The following SEMA6D variants were observed in gnomAD, a reference collection of about 807,000 sequenced individuals.
SEMA6D encodes semaphorin 6D, also known as semaphorin-6D.
SEMA6D carries 35 observed loss-of-function variants against 106.6 expected under a neutral mutation model. The ratio of observed to expected loss-of-function variants is 0.33; its 90% CI spans 0.25 to 0.44. SEMA6D has a LOEUF of 0.44. Ranked by LOEUF, SEMA6D falls within the 20% of genes least tolerant of loss-of-function variation. The probability of loss-of-function intolerance (pLI) is 1.00; values close to 1 mark genes in which losing one functional copy is unlikely to be tolerated. For synonymous variants in SEMA6D, 499 were observed against 487.7 expected (o/e 1.02, Z -0.31); for missense variants, 1,185 against 1,345.9 (o/e 0.88, Z 1.87).
intron 1 of SEMA6D, among the ~76,000 whole-genome samples, chr15:47,277,512 T>C (rs1035410691): frequency 4.0e-5 from 6 of 151,868 alleles, no homozygotes; most frequent in African/African-American, 1.2e-4. Flanking sequence ...AGAAAGACTG[T>C]GACTCAGTGC....
chr15:47,195,931 G>A (rs1894311742), intron 1 of SEMA6D, among the ~76,000 whole-genome samples: 1 of 19,892 alleles, frequency 5.0e-5, no homozygotes, highest in South Asian at 6.2e-3. Context: ...AAGGACAGCA[G>A]AGAAAGCAAG....
intron 2 of SEMA6D, among the ~76,000 whole-genome samples, chr15:47,412,972 A>G (rs1567062128): frequency 6.6e-6 from 1 of 152,178 alleles, no homozygotes; most frequent in East Asian, 1.9e-4. Flanking sequence ...ATGACAGTGC[A>G]CCTCCACACA....
At chr15:47,540,062 TTG>T (rs1016472751) in intron 3 of SEMA6D, among the ~76,000 whole-genome samples, 6 of 119,692 alleles carry the variant, frequency 5.0e-5, no homozygotes, top group Non-Finnish European at 8.7e-5. Context: ...GTGTGTGTGT[TTG>T]TGTGTGTGTT....
At chr15:47,365,938 G>GA (rs1459699047) in intron 1 of SEMA6D, among the ~76,000 whole-genome samples, 1 of 110,910 alleles carries the variant, frequency 9.0e-6, no homozygotes, top group East Asian at 2.6e-4. Flanking sequence ...GAAAGAAAGA[G>GA]AAAGAAAGAA....
At chr15:47,184,373 C>G (rs568248124) in exon 1 of SEMA6D, 1 of 152,464 alleles carries the variant, frequency 6.6e-6, no homozygotes, top group Non-Finnish European at 1.5e-5. Context: ...GTGCTAGACA[C>G]CTGCCGAGTC....
At chr15:47,696,536 T>C (rs983693592) in intron 4 of SEMA6D, among the ~76,000 whole-genome samples, 1 of 152,208 alleles carries the variant, frequency 6.6e-6, no homozygotes, top group African/African-American at 2.4e-5. Flanking sequence ...GTGACTTGTC[T>C]TGCTGCCAAA....
At chr15:47,543,427 C>CCTG (rs1335407145) in intron 3 of SEMA6D, among the ~76,000 whole-genome samples, 1 of 152,138 alleles carries the variant, frequency 6.6e-6, no homozygotes, top group Non-Finnish European at 1.5e-5. Flanking sequence ...CACTCTCTTG[C>CCTG]CTGCCACCAT....
At chr15:47,233,481 C>T (rs1166256697) in intron 1 of SEMA6D, among the ~76,000 whole-genome samples, 1 of 151,996 alleles carries the variant, frequency 6.6e-6, no homozygotes, top group African/African-American at 2.4e-5. Flanking sequence ...CAGCAATTAG[C>T]ATTTCAGTAA....
chr15:47,507,315 C>G (rs2044074485), intron 3 of SEMA6D, among the ~76,000 whole-genome samples: 1 of 152,068 alleles, frequency 6.6e-6, no homozygotes, highest in African/African-American at 2.4e-5. Context: ...AAGGCAACAG[C>G]TCTTCTGGGC....
chr15:47,285,572 C>T (rs868622861), intron 1 of SEMA6D, among the ~76,000 whole-genome samples: 1 of 151,458 alleles, frequency 6.6e-6, no homozygotes, highest in South Asian at 2.1e-4. Context: ...TGTTGTTTAT[C>T]ATCTGCATCC....
intron 3 of SEMA6D, among the ~76,000 whole-genome samples, chr15:47,530,319 C>A (rs2142052587): frequency 6.6e-6 from 1 of 152,322 alleles, no homozygotes; most frequent in African/African-American, 2.4e-5. Flanking sequence ...GAACATCTAA[C>A]TTGTGAGTAA....
At chr15:47,542,751 C>T (rs570245407) in intron 3 of SEMA6D, among the ~76,000 whole-genome samples, 25 of 152,224 alleles carry the variant, frequency 1.6e-4, no homozygotes, top group African/African-American at 5.1e-4. Context: ...GTCATAAAAG[C>T]ACTCGTGTGG....
At chr15:47,499,305 T>C (rs2043771427) in intron 3 of SEMA6D, among the ~76,000 whole-genome samples, 3 of 152,104 alleles carry the variant, frequency 2.0e-5, no homozygotes, top group Non-Finnish European at 2.9e-5. Context: ...TTCTACGCCC[T>C]TCCCAGGCTC....
chr15:47,505,044 G>C (rs1270044467), intron 3 of SEMA6D, among the ~76,000 whole-genome samples: 1 of 152,224 alleles, frequency 6.6e-6, no homozygotes, highest in East Asian at 1.9e-4. Context: ...AATTACAGTG[G>C]CTCAGTGTGG....
chr15:47,497,562 G>A (rs1315594999), intron 3 of SEMA6D, among the ~76,000 whole-genome samples: 1 of 152,002 alleles, frequency 6.6e-6, no homozygotes, highest in Non-Finnish European at 1.5e-5. Context: ...CTCTGCCTCA[G>A]TAGATTAATC....
chr15:47,257,216 C>A (rs1308598546), intron 1 of SEMA6D, among the ~76,000 whole-genome samples: 1 of 152,010 alleles, frequency 6.6e-6, no homozygotes, highest in Non-Finnish European at 1.5e-5. Flanking sequence ...TGCCACCACG[C>A]CCAGCTAATT....
chr15:47,255,467 G>A (rs1333031751), intron 1 of SEMA6D, among the ~76,000 whole-genome samples: 1 of 151,036 alleles, frequency 6.6e-6, no homozygotes, highest in Admixed American at 6.6e-5. Context: ...TTTTCTCCTT[G>A]TACTAATTTT....
At chr15:47,478,217 C>T (rs2043052929) in intron 3 of SEMA6D, among the ~76,000 whole-genome samples, 1 of 152,070 alleles carries the variant, frequency 6.6e-6, no homozygotes. Context: ...TCACTTTAGC[C>T]CCAAAGGTTA....
rs533387464 is a variant in SEMA6D at position 47,413,153 on chromosome 15, C to A, written c.-159+681C>A. Among the ~76,000 whole-genome samples the A allele has an allele frequency of 1.9e-3, 289 of 152,218 alleles. 3 individuals carry two copies. The highest frequency in any genetic ancestry group is 0.014 in the South Asian group (67 of 4,804). On this transcript the variant is annotated intron_variant, in intron 2 of 19. Transcript: ENST00000558014. ...GTATTTACATATATGTGTGGACAAA[C>A]ACACATATACTCCCTCCCTTAAATC...
Sources: gnomAD v4.1 joint callset for allele counts (sites outside exome capture counted in the v4.1 genomes callset) on GRCh38, gnomAD v4.1.1 for gene constraint, MANE v1.5 for transcripts, NCBI Gene and HGNC (gene_info 2026-07-23, HGNC 2026-07-21) for gene names.